The following MIA3 variants were observed in gnomAD, a reference collection of about 807,000 sequenced individuals.
The protein encoded by MIA3 is transport and Golgi organization protein 1 homolog.
In MIA3, 90 loss-of-function variants were observed where a neutral mutation model predicts 192.4. That is an observed-to-expected ratio of 0.47 (90% CI 0.39 to 0.56). MIA3 has a LOEUF of 0.56. Among genes scored for constraint, MIA3 ranks in the 20% least tolerant of loss-of-function variants. The pLI, the probability that MIA3 is intolerant of heterozygous loss-of-function variation, is 0.00. For synonymous variants in MIA3, 740 were observed against 792.8 expected (o/e 0.93, Z 1.12); for missense variants, 2,123 against 2,269.4 (o/e 0.94, Z 1.31).
intron 7 of MIA3, among the ~76,000 whole-genome samples, chr1:222,646,522 C>G (rs1374550881): frequency 6.6e-6 from 1 of 151,936 alleles, no homozygotes; most frequent in Admixed American, 6.6e-5. Context: ...GAGGCGGAGG[C>G]GGGTGGATCA....
Position 222,629,993 on chromosome 1 carries a change from A to G in MIA3, c.2773A>G (p.Ile925Val). 6.2e-7 allele frequency: 1 copy of G among 1,614,166 alleles called. No homozygotes were observed. ...GHSDKREDLL[I>V]ISSFFKEQQS... ...TAGTGACAAGAGGGAGGACTTACTT[A>G]TCATAAGCAGCTTCTTTAAAGAACA... The change falls in exon 4 of 28, where the codon ATC (isoleucine) becomes GTC (valine). Residue 925 changes from isoleucine (I) to valine (V), a missense_variant. Ile to Val is a conservative substitution (Grantham distance 29). Transcript: ENST00000344922.
Position 222,654,752 on chromosome 1 carries a change from T to A in MIA3, c.4566T>A (p.Ile1522=). The A allele has an allele frequency of 1.2e-6, 2 of 1,614,130 alleles. No individual in the cohort carries two copies. The highest frequency in any genetic ancestry group is 1.7e-6 in the Non-Finnish European group (2 of 1,179,998). Residue 1522 remains isoleucine (I), a synonymous_variant, in exon 18 of 28, where the codon ATT becomes ATA. Transcript: ENST00000344922. Reference sequence around the variant, plus strand: ...AAACCTTGAGGCAGAAAGTGGAGATTCTGAATGAGCTCTATCAGCAGAAGG... The same window carrying A: ...AAACCTTGAGGCAGAAAGTGGAGATACTGAATGAGCTCTATCAGCAGAAGG... ...ECKTLRQKVE[I]LNELYQQKEM...
At chr1:222,651,123 T>C (rs2124904745) in intron 11 of MIA3, among the ~76,000 whole-genome samples, 1 of 152,226 alleles carries the variant, frequency 6.6e-6, no homozygotes, top group South Asian at 2.1e-4. Context: ...TAGGTAATTG[T>C]CATATTGCTT....
rs1433764143 is a variant in MIA3 at position 222,651,987 on chromosome 1, A to G, written c.3920A>G (p.Asn1307Ser). 4.5e-6 allele frequency: 7 copies of G among 1,566,402 alleles called. No individual in the cohort carries two copies. Among genetic ancestry groups the G allele is most frequent in the Non-Finnish European group, 5.3e-6 (6 of 1,137,350 alleles). ...GTTTTTACATGGCAGATATCAGAAA[A>G]CAAGAAATCTATAGAGAAGTTAAAG... ...NVKNQDLISE[N>S]KKSIEKLKDV... Residue 1307 changes from asparagine to serine, a missense_variant, in exon 12 of 28, where the codon AAC (asparagine) becomes AGC (serine). By Grantham distance (46) the Asn-to-Ser change is conservative (BLOSUM62 1). Around this residue, in one of 3 missense-constraint regions of MIA3, gnomAD observed 762 missense variants for 856.4 expected, o/e 0.89. Transcript: ENST00000344922.
intron 6 of MIA3, chr1:222,641,713 A>T: frequency 1.8e-6 from 1 of 556,488 alleles, no homozygotes. Flanking sequence ...CTCGCTCAGC[A>T]TGTTCAGACA....
intron 8 of MIA3, chr1:222,649,296 G>A (rs1172919642): frequency 6.5e-6 from 1 of 152,970 alleles, no homozygotes; most frequent in East Asian, 1.9e-4. Context: ...GATGCTTCAT[G>A]CAGGGAGGAA....
chr1:222,648,523 G>T (rs1663262305), intron 7 of MIA3, among the ~76,000 whole-genome samples: 1 of 152,208 alleles, frequency 6.6e-6, no homozygotes, highest in Middle Eastern at 3.4e-3. Context: ...AGCCATTTCT[G>T]TTATTCAAGT....
At chr1:222,652,874 T>C in intron 13 of MIA3, 134 bp from the exon 14 acceptor site, 1 of 915,778 alleles carries the variant, frequency 1.1e-6, no homozygotes, top group Non-Finnish European at 1.6e-6. Context: ...TCCTCCCACT[T>C]AACCAAGGTC....
At chr1:222,653,393 C>T (rs758218199) in intron 15 of MIA3, 54 bp downstream of exon 15, 28 of 1,124,552 alleles carry the variant, frequency 2.5e-5, no homozygotes, top group South Asian at 1.7e-4. Flanking sequence ...TCTTTAAGTG[C>T]ACCAGTGCTA....
At chr1:222,651,648 G>GAA (rs11418078) in intron 11 of MIA3, among the ~76,000 whole-genome samples, 17 of 148,760 alleles carry the variant, frequency 1.1e-4, no homozygotes, top group South Asian at 2.1e-4. Context: ...CTTGCCACAA[G>GAA]AAAAAAAAAA....
rs74586932 is a variant in MIA3 at position 222,650,400 on chromosome 1, T to G, written c.3720+20T>G. ...CAGAAGGTATGATTATTCTTTGTTTTTTTTTTTTTTCATGGTCCCAGCTTG... is the reference window on the plus strand; with the variant it reads ...CAGAAGGTATGATTATTCTTTGTTTGTTTTTTTTTTCATGGTCCCAGCTTG... On this transcript the variant is annotated intron_variant, in intron 9 of 27. Transcript: ENST00000344922. 9 of 1,314,518 alleles carry G rather than the reference T, an allele frequency of 6.8e-6. No individual in the cohort carries two copies. The highest frequency in any genetic ancestry group is 1.5e-5 in the African/African-American group (1 of 67,174). 81.4% of individuals were successfully genotyped at this position (1,314,518 alleles called of 1,614,324 possible). A position where few individuals can be genotyped will look rare whatever the true frequency, so the allele number is the denominator to read the frequency against.
At chr1:222,619,983 G>T (rs1661785246) in intron 1 of MIA3, among the ~76,000 whole-genome samples, 1 of 152,138 alleles carries the variant, frequency 6.6e-6, no homozygotes, top group Non-Finnish European at 1.5e-5. Flanking sequence ...GGGAGCAAAA[G>T]AAACATTGCC....
chr1:222,650,964 A>G (rs1166470543), intron 11 of MIA3, 61 bp downstream of exon 11: 4 of 956,648 alleles, frequency 4.2e-6, no homozygotes, highest in Admixed American at 4.7e-5. Flanking sequence ...TTGTAGATTG[A>G]GTTGAACTCT....
At chr1:222,661,003 C>T (rs927610839) in intron 24 of MIA3, 2 of 152,298 alleles carry the variant, frequency 1.3e-5, no homozygotes, top group African/African-American at 4.8e-5. Context: ...TTCATAACCA[C>T]CTCCTGTTGC....
rs1379035860 is a variant in MIA3 at position 222,650,770 on chromosome 1, T to A, written c.3799-23T>A. 2.5e-6 allele frequency: 4 copies of A among 1,576,318 alleles called. No homozygotes were observed. The South Asian group carries it at 4.5e-5, about 18-fold the overall frequency. ...CAAAAGTAAAAGTAATGAGTATAAC[T>A]AACCTTAATATCTTTTTTGTAGGAT... On this transcript the variant is annotated intron_variant, in intron 10 of 27. Coordinates refer to ENST00000344922, the MANE Select transcript of MIA3 (RefSeq NM_198551.4).
intron 27 of MIA3, 69 bp downstream of exon 27, chr1:222,664,217 AAAC>A: frequency 6.6e-7 from 1 of 1,523,830 alleles, no homozygotes; most frequent in Non-Finnish European, 9.1e-7. Flanking sequence ...TCCCTTGCTA[AAAC>A]AACTGCAATT....
Position 222,665,823 on chromosome 1 carries a change from G to C in MIA3, c.*204G>C. The stretch of plus-strand genomic sequence containing the variant: ...TAAATAAAAATCACCTTTTAAGCTA[G>C]AGCGTCCTTACAACTTTGAAATGTG... On this transcript the variant is annotated 3_prime_UTR_variant, in exon 28 of 28. Coordinates refer to ENST00000344922, the MANE Select transcript of MIA3 (RefSeq NM_198551.4). 2 of 435,022 alleles carry C rather than the reference G, an allele frequency of 4.6e-6. No homozygotes were observed. The highest frequency in any genetic ancestry group is 7.9e-6 in the Non-Finnish European group (2 of 252,418). 26.9% of individuals were successfully genotyped at this position (435,022 alleles called of 1,614,324 possible).
chr1:222,628,325 C>A lies in MIA3; in HGVS notation c.1105C>A (p.Pro369Thr). Residue 369 changes from proline to threonine, a missense_variant, in exon 4 of 28, where the codon CCC (proline) becomes ACC (threonine). Coordinates refer to ENST00000344922, the MANE Select transcript of MIA3 (RefSeq NM_198551.4). ...NEEDKVQLTV[P>T]PGIKNDDKNI... ...AGAGGACAAGGTTCAGCTAACTGTG[C>A]CCCCTGGCATCAAAAATGATGATAA... 6.2e-7 allele frequency: 1 copy of A among 1,613,478 alleles called. No homozygotes were observed. The highest frequency in any genetic ancestry group is 8.5e-7 in the Non-Finnish European group (1 of 1,179,842).
intron 6 of MIA3, chr1:222,644,192 C>T (rs988611067): frequency 2.3e-5 from 20 of 854,964 alleles, no homozygotes; most frequent in East Asian, 1.4e-4. Flanking sequence ...CGCTCTAGCC[C>T]TATTCGCTCT....
Sources: allele counts gnomAD v4.1 joint callset (sites outside exome capture counted in the v4.1 genomes callset), GRCh38; gene constraint gnomAD v4.1.1; regional missense constraint gnomAD v4.1.1; transcripts MANE v1.5; gene names NCBI Gene and HGNC (gene_info 2026-07-23, HGNC 2026-07-21).